The following TBC1D32 variants were observed in gnomAD, a reference collection of about 807,000 sequenced individuals.
The protein encoded by TBC1D32 is protein broad-minded.
Under a neutral mutation model 170.3 loss-of-function variants are expected in TBC1D32, and 151 were observed. The ratio of observed to expected loss-of-function variants is 0.89; its 90% CI spans 0.78 to 1.01. The LOEUF is 1.01. Ranked by LOEUF, TBC1D32 falls within the 50% of genes least tolerant of loss-of-function variation. TBC1D32 has a pLI of 0.00. For synonymous variants in TBC1D32, 498 were observed against 488.0 expected (o/e 1.02, Z -0.27); for missense variants, 1,464 against 1,457.1 (o/e 1.00, Z -0.08).
chr6:121,324,850 C>T (rs554449523), intron 1 of TBC1D32, among the ~76,000 whole-genome samples: 5 of 152,268 alleles, frequency 3.3e-5, no homozygotes, highest in African/African-American at 9.6e-5. Context: ...TAATATCTGA[C>T]AACTGCTTCT....
At chr6:121,266,899 C>T (rs1022886003) in intron 15 of TBC1D32, among the ~76,000 whole-genome samples, 2 of 151,588 alleles carry the variant, frequency 1.3e-5, no homozygotes, top group African/African-American at 4.9e-5. Flanking sequence ...CAACACACAC[C>T]AGGGCCTGTC....
chr6:121,254,400 A>G (rs556648919), intron 17 of TBC1D32, among the ~76,000 whole-genome samples: 162 of 152,258 alleles, frequency 1.1e-3, no homozygotes, highest in African/African-American at 3.8e-3. Flanking sequence ...AAAAATTGAA[A>G]TCACTACTGA....
At chr6:121,294,512 T>C in intron 11 of TBC1D32, 58 bp downstream of exon 11, 2 of 1,299,202 alleles carry the variant, frequency 1.5e-6, no homozygotes, top group Non-Finnish European at 2.2e-6. Context: ...TACTAAACTG[T>C]ATTTACTAAT....
At chr6:121,238,524 C>T (rs1001509559) in intron 20 of TBC1D32, among the ~76,000 whole-genome samples, 1 of 152,036 alleles carries the variant, frequency 6.6e-6, no homozygotes, top group African/African-American at 2.4e-5. Flanking sequence ...AGTTAGGAAT[C>T]GTCACTTTAT....
At chr6:121,112,194 A>G (rs577026842) in intron 29 of TBC1D32, among the ~76,000 whole-genome samples, 1 of 152,082 alleles carries the variant, frequency 6.6e-6, no homozygotes. Context: ...AATACAAAAC[A>G]CAAGTCAATA....
intron 12 of TBC1D32, among the ~76,000 whole-genome samples, chr6:121,290,105 T>C (rs1428461689): frequency 3.3e-5 from 5 of 152,072 alleles, no homozygotes; most frequent in Non-Finnish European, 5.9e-5. Flanking sequence ...ACTTCATGTC[T>C]AAAACACCAA....
intron 22 of TBC1D32, among the ~76,000 whole-genome samples, chr6:121,179,811 A>G (rs1049506915): frequency 6.6e-6 from 1 of 152,162 alleles, no homozygotes; most frequent in Non-Finnish European, 1.5e-5. Context: ...TAAATTTGGG[A>G]GAGTTGTAGT....
intron 17 of TBC1D32, among the ~76,000 whole-genome samples, chr6:121,248,482 T>C (rs1035337652): frequency 6.6e-6 from 1 of 151,334 alleles, no homozygotes; most frequent in Non-Finnish European, 1.5e-5. Flanking sequence ...GAGAATTAAA[T>C]GAAATTGAAA....
At chr6:121,230,533 C>G (rs139622608) in intron 20 of TBC1D32, among the ~76,000 whole-genome samples, 115 of 152,030 alleles carry the variant, frequency 7.6e-4, no homozygotes, top group African/African-American at 2.6e-3. Flanking sequence ...TGTTAAGCCA[C>G]CTGTAATTAA....
At chr6:121,105,954 G>A (rs1778640629) in intron 30 of TBC1D32, 69 bp downstream of exon 30, 2 of 1,391,828 alleles carry the variant, frequency 1.4e-6, no homozygotes, top group East Asian at 5.0e-5. Context: ...CTTATTTGAT[G>A]AGAACACAGT....
intron 21 of TBC1D32, among the ~76,000 whole-genome samples, chr6:121,221,414 T>C (rs917708809): frequency 2.6e-5 from 4 of 152,234 alleles, no homozygotes; most frequent in African/African-American, 9.6e-5. Context: ...AGGAGTAATT[T>C]TGACTTTCAA....
chr6:121,123,576 T>G (rs1024949333), intron 26 of TBC1D32, among the ~76,000 whole-genome samples: 5 of 152,074 alleles, frequency 3.3e-5, no homozygotes, highest in African/African-American at 1.2e-4. Flanking sequence ...ATGGCTGCCA[T>G]TGGCATAAAA....
At chr6:121,244,896 T>G (rs972642316) in intron 17 of TBC1D32, among the ~76,000 whole-genome samples, 2 of 152,188 alleles carry the variant, frequency 1.3e-5, no homozygotes, top group African/African-American at 4.8e-5. Flanking sequence ...GCCCATCACC[T>G]AAGAAATCAG....
chr6:121,202,546 G>A lies in TBC1D32; in HGVS notation c.2570+2529C>T, dbSNP rs186258555. Among the ~76,000 whole-genome samples, 19 of 151,306 alleles carry A rather than the reference G, an allele frequency of 1.3e-4. No homozygotes were observed. In the East Asian group the frequency reaches 1.7e-3, roughly 14 times the overall value. On this transcript the variant is annotated intron_variant, in intron 22 of 31. Coordinates refer to ENST00000398212, the MANE Select transcript of TBC1D32 (RefSeq NM_152730.6). The stretch of plus-strand genomic sequence containing the variant: ...AAATCAAAGTGAGTTGAGTAAATAC[G>A]GGTGAGCAACTGAGGACAGTTTGTA...
intron 15 of TBC1D32, among the ~76,000 whole-genome samples, chr6:121,271,667 T>C (rs1440999381): frequency 1.3e-5 from 2 of 152,026 alleles, no homozygotes; most frequent in Admixed American, 1.3e-4. Context: ...AGAATCAATA[T>C]CATGAAAATG....
intron 17 of TBC1D32, among the ~76,000 whole-genome samples, chr6:121,247,694 G>GAAAAAAAA (rs1797780672): frequency 4.1e-4 from 2 of 4,936 alleles, no homozygotes; most frequent in African/African-American, 8.3e-4. Context: ...AGGCTTTAAA[G>GAAAAAAAA]CAAAAAAAAA....
At chr6:121,093,601 G>A (rs1283641639) in intron 30 of TBC1D32, among the ~76,000 whole-genome samples, 2 of 152,126 alleles carry the variant, frequency 1.3e-5, no homozygotes, top group African/African-American at 4.8e-5. Context: ...AAGGTGTGGG[G>A]TCTCAGCTTC....
At chr6:121,162,458 C>G (rs1049849322) in intron 22 of TBC1D32, among the ~76,000 whole-genome samples, 31 of 152,112 alleles carry the variant, frequency 2.0e-4, no homozygotes, top group African/African-American at 7.2e-4. Flanking sequence ...ACTAAATGAG[C>G]AAAAGCTGTG....
intron 22 of TBC1D32, among the ~76,000 whole-genome samples, chr6:121,185,049 G>GTTTT (rs36002031): frequency 4.3e-4 from 63 of 146,810 alleles, no homozygotes; most frequent in African/African-American, 9.0e-4. Context: ...TATTCTGTAA[G>GTTTT]TTTTTTTTTT....
Sources: gnomAD v4.1 joint callset for allele counts (sites outside exome capture counted in the v4.1 genomes callset) on GRCh38, gnomAD v4.1.1 for gene constraint, MANE v1.5 for transcripts, NCBI Gene and HGNC (gene_info 2026-07-23, HGNC 2026-07-21) for gene names.